The following FRA10AC1 variants were observed in gnomAD, a reference collection of about 807,000 sequenced individuals.
The protein encoded by FRA10AC1 is protein FRA10AC1.
Under a neutral mutation model 56.5 loss-of-function variants are expected in FRA10AC1, and 43 were observed. The ratio of observed to expected loss-of-function variants is 0.76; its 90% confidence interval spans 0.60 to 0.98. The LOEUF is 0.98. Among genes scored for constraint, FRA10AC1 ranks in the 50% least tolerant of loss-of-function variants. FRA10AC1 has a pLI of 0.00. For missense variants in FRA10AC1, 346 were observed against 351.8 expected, an observed-to-expected ratio of 0.98 and a Z score of 0.13; for synonymous variants, 112 against 110.5, an observed-to-expected ratio of 1.01 and a Z score of -0.09.
Position 93,692,680 on chromosome 10 carries a change from G to T in FRA10AC1, c.346C>A (p.Leu116Ile). 6.3e-7 allele frequency: 1 copy of T among 1,598,696 alleles called. No individual in the cohort carries two copies. Among genetic ancestry groups the T allele is most frequent in the South Asian group, 1.1e-5 (1 of 88,678 alleles). The part of the protein sequence containing the change: ...LDVIRENHRF[L>I]WNEEDEMDMT... ...TCCATTTCGTCCTCCTCATTCCATA[G>T]GAATCTATGATTTTCTCGTATAACA... is the stretch of plus-strand genomic sequence containing the variant. The change falls in exon 6 of 14, where the codon CTA becomes ATA. Residue 116 changes from leucine (L) to isoleucine (I), a missense_variant. Physicochemically the swap from Leu to Ile is conservative, Grantham distance 5. Coordinates refer to ENST00000359204, the MANE Select transcript of FRA10AC1 (RefSeq NM_145246.5).
chr10:93,681,046 TTTATAGA>T (rs1030268444), intron 11 of FRA10AC1, among the ~76,000 whole-genome samples: 1 of 152,164 alleles, frequency 6.6e-6, no homozygotes. Flanking sequence ...TTTATATTGA[TTTATAGA>T]TTATAGACTG....
chr10:93,686,868 T>C (rs980125212), intron 8 of FRA10AC1, among the ~76,000 whole-genome samples: 46 of 151,972 alleles, frequency 3.0e-4, no homozygotes, highest in African/African-American at 9.1e-4. Flanking sequence ...AGATTTACAA[T>C]AATGCATAGA....
chr10:93,697,290 T>C (rs4919433), intron 4 of FRA10AC1, among the ~76,000 whole-genome samples: 13,182 of 152,128 alleles, frequency 0.087, 673 homozygotes, highest in East Asian at 0.27. Flanking sequence ...ATGAGATCCA[T>C]GGAAAAGCTA....
At chr10:93,679,520 GA>G (rs1419813756) in intron 11 of FRA10AC1, among the ~76,000 whole-genome samples, 1 of 152,168 alleles carries the variant, frequency 6.6e-6, no homozygotes, top group Non-Finnish European at 1.5e-5. Flanking sequence ...TTTAGGAAGA[GA>G]AGACACAGCA....
rs550666156 is a variant in FRA10AC1, at chr10:93,668,355, T to C, written c.*1471A>G. 6.6e-6 allele frequency: 1 copy of C among 152,292 alleles called. No individual in the cohort carries two copies. Among genetic ancestry groups the C allele is most frequent in the East Asian group, 1.9e-4 (1 of 5,178 alleles). 9.4% of individuals were successfully genotyped at this position (152,292 alleles called of 1,614,324 possible). A position where few individuals can be genotyped will look rare whatever the true frequency, so the allele number is the denominator to read the frequency against. ...AGTTTTCAGAAATCAATAAATCCTT[T>C]TGAAAATCTGATTTTTGAAAATTTG... is the stretch of plus-strand genomic sequence containing the variant. On this transcript the variant is annotated 3_prime_UTR_variant, in exon 14 of 14. Coordinates refer to ENST00000359204, the MANE Select transcript of FRA10AC1 (RefSeq NM_145246.5).
intron 11 of FRA10AC1, 21 bp from the exon 12 acceptor site, chr10:93,676,712 A>G (rs1272454019): frequency 3.2e-6 from 5 of 1,560,036 alleles, no homozygotes; most frequent in Non-Finnish European, 4.3e-6. Context: ...AACATCATTG[A>G]TTTATTAACT....
intron 12 of FRA10AC1, chr10:93,671,818 T>C (rs994861183): frequency 3.8e-5 from 12 of 313,094 alleles, no homozygotes; most frequent in South Asian, 3.4e-4. Context: ...TTTAACTGAT[T>C]ATATTACCTG....
rs1329314799 is a variant in FRA10AC1 at position 93,669,608 on chromosome 10, A to C, written c.*218T>G. 1.9e-6 allele frequency: 1 copy of C among 522,610 alleles called. No homozygotes were observed. Among genetic ancestry groups the C allele is most frequent in the Non-Finnish European group, 3.4e-6 (1 of 293,370 alleles). The allele number at this position is 522,610 out of a possible 1,614,324, so 32.4% of individuals were successfully genotyped here. A position where few individuals can be genotyped will look rare whatever the true frequency, so the allele number is the denominator to read the frequency against. ...TACAAATAAAACAGAATTGTAGATA[A>C]GCAATTGAAAAGATATTTAAAGGAC... On this transcript the variant is annotated 3_prime_UTR_variant, in exon 14 of 14. Transcript: ENST00000359204.
intron 6 of FRA10AC1, 75 bp downstream of exon 6, chr10:93,692,571 A>C: frequency 1.1e-6 from 1 of 894,792 alleles, no homozygotes; most frequent in Non-Finnish European, 1.8e-6. Flanking sequence ...GAACACCTTG[A>C]CTAAAAAACC....
chr10:93,672,008 T>G (rs1489793642), intron 12 of FRA10AC1: 1 of 432,212 alleles, frequency 2.3e-6, no homozygotes, highest in Admixed American at 2.8e-5. Flanking sequence ...TTAAAAATAC[T>G]GCAAAATTAT....
chr10:93,670,985 C>A lies in FRA10AC1; in HGVS notation c.827-137G>T. On this transcript the variant is annotated intron_variant, in intron 12 of 13. Coordinates refer to ENST00000359204, the MANE Select transcript of FRA10AC1 (RefSeq NM_145246.5). Reference sequence around the variant, plus strand: ...TCTCTAGAAATTTAATTCACTCTCACAGGTACAATAAATTCTTTTAAAACA... The same window carrying A: ...TCTCTAGAAATTTAATTCACTCTCAAAGGTACAATAAATTCTTTTAAAACA... 3 of 594,876 alleles carry A rather than the reference C, an allele frequency of 5.0e-6. No individual in the cohort carries two copies. The South Asian group carries it at 6.4e-5, about 13-fold the overall frequency. 36.8% of individuals were successfully genotyped at this position (594,876 alleles called of 1,614,324 possible). A position where few individuals can be genotyped will look rare whatever the true frequency, so the allele number is the denominator to read the frequency against.
chr10:93,674,256 T>C (rs2058809204), intron 12 of FRA10AC1: 1 of 152,212 alleles, frequency 6.6e-6, no homozygotes, highest in Admixed American at 6.5e-5. Context: ...TTAAATGAGG[T>C]AACATATCTA....
At chr10:93,673,718 A>G (rs1047765906) in intron 12 of FRA10AC1, 1 of 426,758 alleles carries the variant, frequency 2.3e-6, no homozygotes, top group African/African-American at 2.1e-5. Context: ...AATGATAGCT[A>G]CAGGTTATCA....
At chr10:93,684,211 A>G (rs912355147) in intron 9 of FRA10AC1, 113 bp from the exon 10 acceptor site, 2 of 717,634 alleles carry the variant, frequency 2.8e-6, no homozygotes, top group African/African-American at 3.6e-5. Context: ...AAGAGGGTAA[A>G]CAAACAATCC....
At chr10:93,702,791 C>T (rs1223564041), upstream of FRA10AC1, among the ~76,000 whole-genome samples, 2 of 151,828 alleles carry the variant, frequency 1.3e-5, no homozygotes, top group East Asian at 1.9e-4. Context: ...CTAGGGAATC[C>T]GGCATCTAGT....
chr10:93,680,240 T>G (rs1179667914), intron 11 of FRA10AC1, among the ~76,000 whole-genome samples: 1 of 152,202 alleles, frequency 6.6e-6, no homozygotes, highest in African/African-American at 2.4e-5. Flanking sequence ...AAGTGACATA[T>G]TAAATGTTTT....
intron 10 of FRA10AC1, among the ~76,000 whole-genome samples, chr10:93,682,446 T>C (rs1446199700): frequency 6.6e-6 from 1 of 152,190 alleles, no homozygotes; most frequent in Non-Finnish European, 1.5e-5. Context: ...AACAAATCCC[T>C]GCTTTCTTTC....
In FRA10AC1 at chr10:93,693,689, T is replaced by TATATAC. The variant is rs1317797876; in HGVS notation, c.297-961_297-960insGTATAT. ...TATATACACCATATATATATATATA[T>TATATAC]ACCATATATATATACACACACCATT... is the stretch of plus-strand genomic sequence containing the variant. On this transcript the variant is annotated intron_variant, in intron 5 of 13. Coordinates refer to ENST00000359204, the MANE Select transcript of FRA10AC1 (RefSeq NM_145246.5). Among the ~76,000 whole-genome samples, 385 of 100,352 alleles carry TATATAC rather than the reference T, an allele frequency of 3.8e-3. 40 individuals carry two copies. Among genetic ancestry groups the TATATAC allele is most frequent in the East Asian group, 4.1e-3 (15 of 3,620 alleles). 65.8% of individuals were successfully genotyped at this position (100,352 alleles called of 152,430 possible).
chr10:93,670,556 G>A (rs1333799023), intron 13 of FRA10AC1, among the ~76,000 whole-genome samples: 1 of 152,088 alleles, frequency 6.6e-6, no homozygotes, highest in Non-Finnish European at 1.5e-5. Context: ...ATCTGTTAAA[G>A]TGAACTGATG....
Sources: allele counts gnomAD v4.1 joint callset (sites outside exome capture counted in the v4.1 genomes callset), GRCh38; gene constraint gnomAD v4.1.1; transcripts MANE v1.5; gene names NCBI Gene and HGNC (gene_info 2026-07-23, HGNC 2026-07-21).